The following EIF3H variants were observed in gnomAD, a reference collection of about 807,000 sequenced individuals.
EIF3H encodes the protein eukaryotic translation initiation factor 3 subunit H.
A neutral mutation model predicts 44.2 loss-of-function variants in EIF3H; 26 were observed. The observed-to-expected ratio is 0.59, with a 90% CI of 0.43 to 0.82. The LOEUF (loss-of-function observed/expected upper bound fraction) is 0.82, where lower values mean the gene tolerates loss of function less well. Ranked by LOEUF, EIF3H falls within the 40% of genes least tolerant of loss-of-function variation. The pLI is 0.00. For synonymous variants in EIF3H, 166 were observed against 151.9 expected (o/e 1.09, Z -0.68); for missense variants, 359 against 432.8 (o/e 0.83, Z 1.51).
intron 3 of EIF3H, chr8:116,658,230 C>G (rs1054314480): frequency 6.6e-6 from 1 of 152,142 alleles, no homozygotes; most frequent in African/African-American, 2.4e-5. Flanking sequence ...TACTTCTCAG[C>G]TGGAAACTAT....
chr8:116,716,065 T>C (rs1814654859), intron 2 of EIF3H, among the ~76,000 whole-genome samples: 1 of 152,008 alleles, frequency 6.6e-6, no homozygotes, highest in Non-Finnish European at 1.5e-5. Flanking sequence ...AACAGAAAAC[T>C]TATAATAACA....
At chr8:116,715,154 T>A (rs1814641040) in intron 2 of EIF3H, among the ~76,000 whole-genome samples, 3 of 152,112 alleles carry the variant, frequency 2.0e-5, no homozygotes, top group Non-Finnish European at 2.9e-5. Flanking sequence ...TACATCAATA[T>A]TTTAATTACA....
At position 116,755,541 on chromosome 8, in the gene EIF3H, C is replaced by T. The variant is rs867783924; in HGVS notation, c.132+125G>A. 2.9e-5 allele frequency: 37 copies of T among 1,279,196 alleles called. No individual in the cohort carries two copies. The Middle Eastern group carries it at 6.7e-4, about 23-fold the overall frequency. 79.2% of individuals were successfully genotyped at this position (1,279,196 alleles called of 1,614,324 possible). On this transcript the variant is annotated intron_variant, in intron 1 of 7. Coordinates refer to ENST00000521861, the MANE Select transcript of EIF3H (RefSeq NM_003756.3). Reference sequence around the variant, plus strand: ...AAAGTGAAGATGAAAGAGAAACGTACTAGGGAAAAACTTTGGCCCAGCCAC... The same window carrying T: ...AAAGTGAAGATGAAAGAGAAACGTATTAGGGAAAAACTTTGGCCCAGCCAC...
intron 2 of EIF3H, among the ~76,000 whole-genome samples, chr8:116,714,383 T>C (rs201738284): frequency 3.0e-4 from 45 of 152,230 alleles, no homozygotes; most frequent in Non-Finnish European, 4.9e-4. Flanking sequence ...TCTGGACTTA[T>C]ATCAATTCTG....
chr8:116,692,178 T>C (rs1037308373), intron 2 of EIF3H, among the ~76,000 whole-genome samples: 12 of 152,162 alleles, frequency 7.9e-5, no homozygotes, highest in African/African-American at 2.4e-4. Flanking sequence ...GGGGTAAGCA[T>C]AGACAGATAC....
intron 2 of EIF3H, among the ~76,000 whole-genome samples, chr8:116,708,393 A>G (rs16888671): frequency 0.22 from 33,705 of 151,894 alleles, 4,531 homozygotes; most frequent in African/African-American, 0.38. Context: ...ATCAAAATGA[A>G]TATTTTTCCA....
At chr8:116,678,540 G>T (rs1813893950) in intron 2 of EIF3H, among the ~76,000 whole-genome samples, 1 of 150,882 alleles carries the variant, frequency 6.6e-6, no homozygotes, top group East Asian at 2.0e-4. Flanking sequence ...TCCCATCTAG[G>T]AAGCGAGGAG....
At chr8:116,666,177 A>T (rs1036264656) in intron 2 of EIF3H, among the ~76,000 whole-genome samples, 1 of 152,210 alleles carries the variant, frequency 6.6e-6, no homozygotes. Context: ...AATATTTTTT[A>T]AAATAATGGG....
At chr8:116,765,095 G>C (rs570233606) in intron 1 of EIF3H, among the ~76,000 whole-genome samples, 55 of 152,240 alleles carry the variant, frequency 3.6e-4, no homozygotes, top group South Asian at 3.1e-3. Context: ...GCAAGACTCA[G>C]GTGGTATCTC....
At chr8:116,650,989 G>C (rs984683461) in intron 5 of EIF3H, among the ~76,000 whole-genome samples, 1 of 152,196 alleles carries the variant, frequency 6.6e-6, no homozygotes, top group Non-Finnish European at 1.5e-5. Context: ...AAAGTGACTA[G>C]AGGCTGCCAG....
chr8:116,746,192 T>C (rs924444390), intron 1 of EIF3H, among the ~76,000 whole-genome samples: 1 of 152,216 alleles, frequency 6.6e-6, no homozygotes, highest in Non-Finnish European at 1.5e-5. Context: ...TTCTAATGTA[T>C]GTTTTCTCAT....
At chr8:116,750,891 T>C (rs1586494602) in intron 1 of EIF3H, among the ~76,000 whole-genome samples, 1 of 152,092 alleles carries the variant, frequency 6.6e-6, no homozygotes, top group Non-Finnish European at 1.5e-5. Flanking sequence ...AGTTAAAATC[T>C]GAATGTTCAC....
In EIF3H at chr8:116,645,027, A is replaced by T; in HGVS notation, c.1038T>A (p.Ala346=). Residue 346 remains alanine, a synonymous_variant, in exon 8 of 8, where the codon GCT becomes GCA. Coordinates refer to ENST00000521861, the MANE Select transcript of EIF3H (RefSeq NM_003756.3). ...TTTCTTAGTTGTTGTATTCTTGAAG[A>T]GCCTGGGCCATGAAGAGCTTGCCTA... is the stretch of plus-strand genomic sequence containing the variant. ...QNLGKLFMAQ[A]LQEYNN is the part of the protein sequence containing the mutation. The T allele has an allele frequency of 6.2e-7, 1 of 1,614,022 alleles. No individual in the cohort carries two copies. The highest frequency in any genetic ancestry group is 8.5e-7 in the Non-Finnish European group (1 of 1,179,938).
At chr8:116,687,666 G>A (rs1316355682) in intron 2 of EIF3H, among the ~76,000 whole-genome samples, 1 of 152,050 alleles carries the variant, frequency 6.6e-6, no homozygotes, top group Non-Finnish European at 1.5e-5. Context: ...TTCCAATGCT[G>A]CTTTCATTTC....
At chr8:116,708,232 CA>C (rs1814504839) in intron 2 of EIF3H, among the ~76,000 whole-genome samples, 1 of 151,884 alleles carries the variant, frequency 6.6e-6, no homozygotes, top group Non-Finnish European at 1.5e-5. Context: ...ATCAAAACAG[CA>C]AAAAATAATG....
At chr8:116,713,606 T>G (rs1227652120) in intron 2 of EIF3H, among the ~76,000 whole-genome samples, 1 of 152,102 alleles carries the variant, frequency 6.6e-6, no homozygotes, top group East Asian at 1.9e-4. Flanking sequence ...GAACTGATGC[T>G]TCCTATTCAG....
At chr8:116,715,261 A>G (rs1451883113) in intron 2 of EIF3H, among the ~76,000 whole-genome samples, 1 of 152,060 alleles carries the variant, frequency 6.6e-6, no homozygotes, top group Non-Finnish European at 1.5e-5. Context: ...AGTCGACACT[A>G]GTATCTCTTA....
chr8:116,671,789 A>C (rs1454142974), intron 2 of EIF3H, among the ~76,000 whole-genome samples: 1 of 152,220 alleles, frequency 6.6e-6, no homozygotes, highest in Non-Finnish European at 1.5e-5. Flanking sequence ...CTTTAAATTA[A>C]ACAAACTATC....
intron 1 of EIF3H, among the ~76,000 whole-genome samples, chr8:116,729,138 G>A (rs1265402082): frequency 6.6e-6 from 1 of 152,102 alleles, no homozygotes; most frequent in African/African-American, 2.4e-5. Flanking sequence ...CCCTACTAAT[G>A]AGATTGCTAA....
Sources: gnomAD v4.1 joint callset for allele counts (sites outside exome capture counted in the v4.1 genomes callset) on GRCh38, gnomAD v4.1.1 for gene constraint, MANE v1.5 for transcripts, NCBI Gene and HGNC (gene_info 2026-07-23, HGNC 2026-07-21) for gene names.